ADAMTSL1: variants seen among roughly 807,000 people sequenced by gnomAD.
ADAMTSL1 encodes the protein ADAMTS-like protein 1.
A neutral mutation model predicts 201.8 loss-of-function variants in ADAMTSL1; 126 were observed. That is an observed-to-expected ratio of 0.62 (90% CI 0.54 to 0.72). ADAMTSL1 has a LOEUF of 0.72. Ranked by LOEUF, ADAMTSL1 falls within the 30% of genes least tolerant of loss-of-function variation. ADAMTSL1 has a pLI of 0.00. For missense variants in ADAMTSL1, 2,679 were observed against 2,277.8 expected (o/e 1.18, Z -3.59); for synonymous variants, 1,121 against 903.4 (o/e 1.24, Z -4.32).
chr9:18,740,571 G>A lies in ADAMTSL1; in HGVS notation c.2007-12727G>A, dbSNP rs565293671. On this transcript the variant is annotated intron_variant, in intron 15 of 28. Coordinates refer to ENST00000380548, the MANE Select transcript of ADAMTSL1 (RefSeq NM_001040272.6). ...AGCTCATTGCAGCCTCCACCTCCCCGGTTCCAGCGATTCTCCTGCCTCGCC... is the reference window on the plus strand; with the variant it reads ...AGCTCATTGCAGCCTCCACCTCCCCAGTTCCAGCGATTCTCCTGCCTCGCC... Among the ~76,000 whole-genome samples the A allele has an allele frequency of 1.9e-3, 262 of 140,324 alleles. 2 individuals are homozygous for A. The highest frequency in any genetic ancestry group is 6.7e-3 in the African/African-American group (248 of 37,076). The allele number at this position is 140,324 out of a possible 152,430, so 92.1% of individuals were successfully genotyped here.
At chr9:17,999,057 A>G (rs1235752461) in intron 1 of ADAMTSL1, among the ~76,000 whole-genome samples, 2 of 152,070 alleles carry the variant, frequency 1.3e-5, no homozygotes, top group African/African-American at 2.4e-5. Flanking sequence ...TGTTCCCTAT[A>G]TAGCCTCTTT....
At chr9:18,002,137 G>A (rs1301849620) in intron 1 of ADAMTSL1, among the ~76,000 whole-genome samples, 4 of 151,918 alleles carry the variant, frequency 2.6e-5, no homozygotes, top group South Asian at 4.2e-4. Context: ...AAAGAATGTT[G>A]TCCTGAAGGG....
At chr9:18,388,024 C>T (rs565642200) in intron 2 of ADAMTSL1, among the ~76,000 whole-genome samples, 128 of 147,964 alleles carry the variant, frequency 8.7e-4, no homozygotes, top group African/African-American at 2.8e-3. Context: ...ACGTAATGTT[C>T]TTATTTATGC....
chr9:18,364,832 G>C (rs1423924695), intron 2 of ADAMTSL1, among the ~76,000 whole-genome samples: 3 of 152,082 alleles, frequency 2.0e-5, no homozygotes, highest in Non-Finnish European at 4.4e-5. Context: ...GAGCAGGAGG[G>C]AGAGAGGGAG....
intron 26 of ADAMTSL1, among the ~76,000 whole-genome samples, chr9:18,893,801 T>G (rs1027911885): frequency 6.6e-6 from 1 of 152,256 alleles, no homozygotes; most frequent in African/African-American, 2.4e-5. Flanking sequence ...TGGAATAGTG[T>G]TATGCAAATG....
At chr9:18,292,494 T>C (rs1031308868) in intron 2 of ADAMTSL1, among the ~76,000 whole-genome samples, 2 of 152,140 alleles carry the variant, frequency 1.3e-5, no homozygotes, top group Non-Finnish European at 2.9e-5. Flanking sequence ...TGTGAGGGTG[T>C]TGCCAAAGGA....
At chr9:18,747,182 T>A (rs1039050030) in intron 15 of ADAMTSL1, among the ~76,000 whole-genome samples, 3 of 152,178 alleles carry the variant, frequency 2.0e-5, no homozygotes, top group Non-Finnish European at 4.4e-5. Context: ...CCAGGCCGCC[T>A]AAGTTTGAAT....
chr9:18,796,180 A>G (rs1007569477), intron 20 of ADAMTSL1, among the ~76,000 whole-genome samples: 1 of 152,178 alleles, frequency 6.6e-6, no homozygotes, highest in Admixed American at 6.5e-5. Flanking sequence ...ACCTCTTTGC[A>G]TAGGACAAAC....
intron 2 of ADAMTSL1, among the ~76,000 whole-genome samples, chr9:18,413,502 C>T (rs1008443463): frequency 4.6e-5 from 7 of 152,038 alleles, no homozygotes; most frequent in African/African-American, 4.8e-5. Context: ...GCTTATCTAC[C>T]GATTCTGTGT....
chr9:18,797,815 A>G lies in ADAMTSL1; in HGVS notation c.3805+2291A>G, dbSNP rs957408312. On this transcript the variant is annotated intron_variant, in intron 20 of 28. Transcript: ENST00000380548. ...AAGCACTTAACCCAATGCCAGGCAC[A>G]TTGTTCATACTCAATAAATGTAAGC... Among the ~76,000 whole-genome samples the G allele has an allele frequency of 3.3e-5, 5 of 152,210 alleles. No individual in the cohort carries two copies. In the East Asian group the frequency reaches 9.6e-4, roughly 29 times the overall value.
At chr9:18,790,195 G>T (rs544820452) in intron 19 of ADAMTSL1, among the ~76,000 whole-genome samples, 1 of 152,080 alleles carries the variant, frequency 6.6e-6, no homozygotes, top group Non-Finnish European at 1.5e-5. Flanking sequence ...TGAGATCTTC[G>T]CAAGAACACT....
chr9:18,613,422 T>C (rs1338519501), intron 4 of ADAMTSL1, among the ~76,000 whole-genome samples: 1 of 152,172 alleles, frequency 6.6e-6, no homozygotes, highest in Non-Finnish European at 1.5e-5. Flanking sequence ...TGTATGTTCA[T>C]TGCAGCACTG....
At chr9:18,183,260 A>C (rs1828581134) in intron 2 of ADAMTSL1, among the ~76,000 whole-genome samples, 1 of 152,224 alleles carries the variant, frequency 6.6e-6, no homozygotes, top group South Asian at 2.1e-4. Flanking sequence ...AAACAGAAAC[A>C]CAAAACTAAA....
In ADAMTSL1 at chr9:18,848,867, G is replaced by C. The variant is rs191536903; in HGVS notation, c.4249+18890G>C. Among the ~76,000 whole-genome samples the C allele has an allele frequency of 2.2e-4, 33 of 152,334 alleles. No individual in the cohort carries two copies. In the East Asian group the frequency reaches 5.6e-3, roughly 26 times the overall value. On this transcript the variant is annotated intron_variant, in intron 23 of 28. Transcript: ENST00000380548. ...CAGAAAACTTTATTTACAGAAACAGGACTGGATTTTGCACTCGGGCCATTC... is the reference window on the plus strand; with the variant it reads ...CAGAAAACTTTATTTACAGAAACAGCACTGGATTTTGCACTCGGGCCATTC...
chr9:18,579,507 TAAATA>T (rs1351215870), intron 4 of ADAMTSL1, among the ~76,000 whole-genome samples: 2 of 151,928 alleles, frequency 1.3e-5, no homozygotes, highest in East Asian at 3.8e-4. Flanking sequence ...AAAAAATAAA[TAAATA>T]AAAAAAATAA....
intron 7 of ADAMTSL1, among the ~76,000 whole-genome samples, chr9:18,640,354 C>G (rs1490553396): frequency 6.6e-6 from 1 of 152,072 alleles, no homozygotes; most frequent in African/African-American, 2.4e-5. Flanking sequence ...TTCTGTTAAG[C>G]AAGAAAATCC....
chr9:18,775,019 A>C (rs189343782), intron 17 of ADAMTSL1, among the ~76,000 whole-genome samples: 3 of 151,616 alleles, frequency 2.0e-5, no homozygotes, highest in Admixed American at 1.3e-4. Flanking sequence ...TGAAACTGCT[A>C]ATTTTCCATA....
At chr9:18,133,609 G>C (rs192914931) in intron 1 of ADAMTSL1, among the ~76,000 whole-genome samples, 20 of 152,092 alleles carry the variant, frequency 1.3e-4, no homozygotes, top group African/African-American at 4.8e-4. Flanking sequence ...GATTCTGTTG[G>C]CCTGGAAGTA....
chr9:18,650,793 A>T (rs1315330725), intron 7 of ADAMTSL1, among the ~76,000 whole-genome samples: 4 of 152,124 alleles, frequency 2.6e-5, no homozygotes, highest in African/African-American at 9.7e-5. Context: ...ATTTTTGTCA[A>T]TGCCAGTTTA....
Sources: gnomAD v4.1 joint callset for allele counts (sites outside exome capture counted in the v4.1 genomes callset) on GRCh38, gnomAD v4.1.1 for gene constraint, MANE v1.5 for transcripts, NCBI Gene and HGNC (gene_info 2026-07-23, HGNC 2026-07-21) for gene names.